Variants in IGSF21 observed in about 807,000 individuals in gnomAD.
The protein encoded by IGSF21 is immunoglobin superfamily member 21, also known as immunoglobulin superfamily member 21.
In IGSF21, 28 loss-of-function variants were observed where a neutral mutation model predicts 46.8. The observed-to-expected ratio is 0.60, with a 90% confidence interval of 0.44 to 0.82. IGSF21 has a LOEUF of 0.82. Among genes scored for constraint, IGSF21 ranks in the 40% least tolerant of loss-of-function variants. The probability of loss-of-function intolerance (pLI) is 0.00; values close to 1 mark genes in which losing one functional copy is unlikely to be tolerated. For synonymous variants in IGSF21, 284 were observed against 273.6 expected (o/e 1.04, Z -0.38); for missense variants, 624 against 665.5 (o/e 0.94, Z 0.69).
chr1:18,253,357 A>G (rs1411614950), intron 2 of IGSF21, among the ~76,000 whole-genome samples: 1 of 152,188 alleles, frequency 6.6e-6, no homozygotes, highest in Non-Finnish European at 1.5e-5. Context: ...TTTGCCTTGA[A>G]TCAAATTCAC....
chr1:18,373,684 C>T (rs1415810254), intron 6 of IGSF21, among the ~76,000 whole-genome samples: 1 of 152,116 alleles, frequency 6.6e-6, no homozygotes, highest in African/African-American at 2.4e-5. Context: ...CATCTCTGCC[C>T]CACCTCCACC....
At chr1:18,195,384 T>A (rs59760909) in intron 1 of IGSF21, among the ~76,000 whole-genome samples, 2 of 152,168 alleles carry the variant, frequency 1.3e-5, no homozygotes, top group African/African-American at 4.8e-5. Context: ...GGAGCAGGCA[T>A]GGAGACAGGT....
intron 1 of IGSF21, among the ~76,000 whole-genome samples, chr1:18,221,947 G>A (rs976317737): frequency 5.3e-5 from 8 of 152,156 alleles, no homozygotes; most frequent in Non-Finnish European, 1.2e-4. Flanking sequence ...GGAGCAGGAA[G>A]ACCCCCAAAA....
intron 1 of IGSF21, among the ~76,000 whole-genome samples, chr1:18,185,812 C>T (rs1570314184): frequency 6.6e-6 from 1 of 152,136 alleles, no homozygotes; most frequent in Non-Finnish European, 1.5e-5. Context: ...TCTGAGAGTA[C>T]CCAGCACAGG....
At chr1:18,154,126 A>G (rs9663078) in intron 1 of IGSF21, among the ~76,000 whole-genome samples, 80,782 of 151,848 alleles carry the variant, frequency 0.53, 22,445 homozygotes, top group Non-Finnish European at 0.63. Context: ...TTTAGGTAGA[A>G]CATGCATTCC....
At chr1:18,313,728 C>G (rs1318574517) in intron 3 of IGSF21, among the ~76,000 whole-genome samples, 3 of 152,294 alleles carry the variant, frequency 2.0e-5, no homozygotes, top group Admixed American at 2.0e-4. Flanking sequence ...GATGAGAAAA[C>G]TGAGGCCTAG....
At position 18,187,192 on chromosome 1, in the gene IGSF21, G is replaced by T. The variant is rs148839999; in HGVS notation, c.71-40706G>T. Among the ~76,000 whole-genome samples the T allele has an allele frequency of 2.0e-5, 3 of 150,416 alleles. No homozygotes were observed. In the Admixed American group the frequency reaches 2.0e-4, roughly 10 times the overall value. On this transcript the variant is annotated intron_variant, in intron 1 of 9. Transcript: ENST00000251296. ...GCTTGCAGATGGCTGCCTACACACT[G>T]TTTCTGAATATGGCAGAGAGAGAGA...
intron 2 of IGSF21, among the ~76,000 whole-genome samples, chr1:18,230,478 T>C (rs548497999): frequency 6.6e-6 from 1 of 152,140 alleles, no homozygotes; most frequent in African/African-American, 2.4e-5. Flanking sequence ...TGCAGATGTA[T>C]GCAAATCACA....
At chr1:18,282,830 T>C (rs1182947878) in intron 2 of IGSF21, among the ~76,000 whole-genome samples, 1 of 152,204 alleles carries the variant, frequency 6.6e-6, no homozygotes, top group Admixed American at 6.5e-5. Flanking sequence ...TGAGACCTCC[T>C]GGTCTTCCCT....
chr1:18,354,383 A>G (rs2085992814), intron 4 of IGSF21, among the ~76,000 whole-genome samples: 1 of 152,172 alleles, frequency 6.6e-6, no homozygotes, highest in South Asian at 2.1e-4. Context: ...ATGATGGGGA[A>G]GAAACTAAGA....
intron 3 of IGSF21, among the ~76,000 whole-genome samples, chr1:18,292,826 C>T (rs891758741): frequency 6.6e-6 from 1 of 152,202 alleles, no homozygotes; most frequent in Admixed American, 6.5e-5. Flanking sequence ...GCAACTGCCC[C>T]AGTACCCACC....
intron 1 of IGSF21, among the ~76,000 whole-genome samples, chr1:18,178,253 G>C (rs970980149): frequency 1.3e-5 from 2 of 152,206 alleles, no homozygotes; most frequent in South Asian, 4.2e-4. Context: ...AGATATTCTC[G>C]TTATCCCCTT....
At chr1:18,254,858 TCATCCATC>T (rs57304649) in intron 2 of IGSF21, among the ~76,000 whole-genome samples, 4 of 150,354 alleles carry the variant, frequency 2.7e-5, no homozygotes, top group African/African-American at 4.9e-5. Flanking sequence ...ATCCATCCAT[TCATCCATC>T]CATCCATCCA....
intron 4 of IGSF21, among the ~76,000 whole-genome samples, chr1:18,352,086 C>T (rs2085963440): frequency 6.6e-6 from 1 of 152,134 alleles, no homozygotes; most frequent in South Asian, 2.1e-4. Flanking sequence ...GATTTGAAGT[C>T]CTTTGATCCA....
intron 1 of IGSF21, among the ~76,000 whole-genome samples, chr1:18,170,822 A>G (rs2086729391): frequency 6.6e-6 from 1 of 152,064 alleles, no homozygotes; most frequent in South Asian, 2.1e-4. Context: ...TGCAGATTTG[A>G]GACTCATGAT....
At chr1:18,138,029 C>G (rs1479932693) in intron 1 of IGSF21, among the ~76,000 whole-genome samples, 1 of 152,062 alleles carries the variant, frequency 6.6e-6, no homozygotes, top group Non-Finnish European at 1.5e-5. Flanking sequence ...TCTTCTTTCT[C>G]TCCCTGTCTT....
intron 1 of IGSF21, among the ~76,000 whole-genome samples, chr1:18,139,856 G>T (rs898222126): frequency 6.6e-6 from 1 of 152,240 alleles, no homozygotes; most frequent in East Asian, 1.9e-4. Flanking sequence ...CAGGCCAGAA[G>T]TGCAGAGAGC....
intron 1 of IGSF21, among the ~76,000 whole-genome samples, chr1:18,207,902 G>A (rs752013476): frequency 8.5e-5 from 13 of 152,106 alleles, no homozygotes; most frequent in Non-Finnish European, 1.6e-4. Context: ...CAGTAAATAG[G>A]AGTATTGGCC....
intron 2 of IGSF21, among the ~76,000 whole-genome samples, chr1:18,260,613 G>T (rs61447831): frequency 0.19 from 28,405 of 152,192 alleles, 2,778 homozygotes; most frequent in Middle Eastern, 0.24. Context: ...CTAGAAAAAG[G>T]GTGGTGACTT....
Sources: allele counts gnomAD v4.1 joint callset (sites outside exome capture counted in the v4.1 genomes callset), GRCh38; gene constraint gnomAD v4.1.1; transcripts MANE v1.5; gene names NCBI Gene and HGNC (gene_info 2026-07-23, HGNC 2026-07-21).